The following VAMP7 variants were observed in gnomAD, a reference collection of about 807,000 sequenced individuals.
VAMP7 encodes vesicle associated membrane protein 7.
In VAMP7, 14 loss-of-function variants were observed where a neutral mutation model predicts 29.6. The ratio of observed to expected loss-of-function variants is 0.47; its 90% CI spans 0.31 to 0.74. The LOEUF (loss-of-function observed/expected upper bound fraction) is 0.74, where lower values mean the gene tolerates loss of function less well. Among genes scored for constraint, VAMP7 ranks in the 30% least tolerant of loss-of-function variants. VAMP7 has a pLI of 0.05. For synonymous variants in VAMP7, 95 were observed against 88.1 expected (o/e 1.08, Z -0.44); for missense variants, 223 against 262.4 (o/e 0.85, Z 1.04).
intron 1 of VAMP7, among the ~76,000 whole-genome samples, chrX:155,882,715 G>A (rs2065818041): frequency 6.6e-6 from 1 of 152,066 alleles, no homozygotes; most frequent in Non-Finnish European, 1.5e-5. Flanking sequence ...TTCTTACCAG[G>A]TCCTTCTGAA....
At chrX:155,912,691 C>T (rs1282599973) in intron 5 of VAMP7, among the ~76,000 whole-genome samples, 4 of 152,120 alleles carry the variant, frequency 2.6e-5, no homozygotes, top group African/African-American at 4.8e-5. Flanking sequence ...GACATGAACT[C>T]CTCCTTTTTT....
chrX:155,888,574 C>T (rs1233821577), intron 1 of VAMP7, among the ~76,000 whole-genome samples: 1 of 152,130 alleles, frequency 6.6e-6, no homozygotes, highest in Admixed American at 6.5e-5. Context: ...ATAAGAGAAG[C>T]TGGGCTTGTT....
In VAMP7 at chrX:155,932,841, G is replaced by T. The variant is rs772398187; in HGVS notation, c.502-6860G>T. Reference sequence around the variant, plus strand: ...CCATTCAGTATGATATTGGCTGTGGGTTTGTCATAGCTCTTATTATTTTGA... The same window carrying T: ...CCATTCAGTATGATATTGGCTGTGGTTTTGTCATAGCTCTTATTATTTTGA... On this transcript the variant is annotated intron_variant, in intron 6 of 7. Coordinates refer to ENST00000286448, the MANE Select transcript of VAMP7 (RefSeq NM_005638.6). 4.6e-5 allele frequency among the ~76,000 whole-genome samples: 7 copies of T among 152,168 alleles called. No individual in the cohort carries two copies. In the South Asian group the frequency reaches 1.5e-3, roughly 32 times the overall value.
At chrX:155,938,988 C>T (rs1453645112) in intron 6 of VAMP7, among the ~76,000 whole-genome samples, 1 of 152,106 alleles carries the variant, frequency 6.6e-6, no homozygotes, top group Non-Finnish European at 1.5e-5. Context: ...ATGCATTGCA[C>T]AGTTGATGGG....
At chrX:155,909,212 T>G (rs896886939) in intron 5 of VAMP7, among the ~76,000 whole-genome samples, 8 of 152,198 alleles carry the variant, frequency 5.3e-5, no homozygotes, top group Admixed American at 3.9e-4. Context: ...TTTAGCAGTT[T>G]GTATCTTTCT....
At position 155,884,843 on chromosome X, in the gene VAMP7, T is replaced by C. The variant is rs1412609155; in HGVS notation, c.-10+3395T>C. Among the ~76,000 whole-genome samples, 4 of 152,244 alleles carry C rather than the reference T, an allele frequency of 2.6e-5. No individual in the cohort carries two copies. The East Asian group carries it at 7.7e-4, about 29-fold the overall frequency. On this transcript the variant is annotated intron_variant, in intron 1 of 7. Transcript: ENST00000286448. ...GTTACCTGAAACTGTCTTCAGCCTC[T>C]ACTTGAAGATGCTTCTGCTGAGGAG...
At position 155,898,120 on chromosome X, in the gene VAMP7, A is replaced by G; in HGVS notation, c.213A>G (p.Glu71=). Residue 71 remains glutamate, a synonymous_variant, in exon 4 of 8, where the codon GAA becomes GAG. Transcript: ENST00000286448. The part of the protein sequence containing the change: ...VYLCITDDDF[E]RSRAFNFLNE... Reference sequence around the variant, plus strand: ...TGTTGATCTCTTTTCAGGATTTTGAACGTTCCCGAGCCTTTAATTTTCTGA... The same window carrying G: ...TGTTGATCTCTTTTCAGGATTTTGAGCGTTCCCGAGCCTTTAATTTTCTGA... The G allele has an allele frequency of 6.2e-7, 1 of 1,612,728 alleles. No individual in the cohort carries two copies. The highest frequency in any genetic ancestry group is 1.3e-5 in the African/African-American group (1 of 74,912).
At chrX:155,918,154 C>T (rs779433149) in intron 5 of VAMP7, among the ~76,000 whole-genome samples, 85 of 152,214 alleles carry the variant, frequency 5.6e-4, no homozygotes, top group Non-Finnish European at 8.4e-4. Context: ...AGACGCCCCT[C>T]CCTCCACCAA....
chrX:155,901,612 C>T (rs2066063689), intron 5 of VAMP7, among the ~76,000 whole-genome samples: 2 of 152,098 alleles, frequency 1.3e-5, no homozygotes, highest in Non-Finnish European at 2.9e-5. Context: ...TTCCCAGCAC[C>T]ATTTATTAAA....
In VAMP7 at chrX:155,902,978, T is replaced by G. The variant is rs1181142897; in HGVS notation, c.433+2391T>G. On this transcript the variant is annotated intron_variant, in intron 5 of 7. Coordinates refer to ENST00000286448, the MANE Select transcript of VAMP7 (RefSeq NM_005638.6). Reference sequence around the variant, plus strand: ...CCTCCTTGTACCTCTGGTAGAATTCTGCTGTGAATCCATCTGGTCCTGGAC... The same window carrying G: ...CCTCCTTGTACCTCTGGTAGAATTCGGCTGTGAATCCATCTGGTCCTGGAC... 5.0e-4 allele frequency among the ~76,000 whole-genome samples: 76 copies of G among 151,710 alleles called. 1 individual carries two copies. Among genetic ancestry groups the G allele is most frequent in the Non-Finnish European group, 8.1e-4 (55 of 67,896 alleles).
rs141687548 is a variant in VAMP7 at position 155,889,825 on chromosome X, T to G, written c.146+213T>G. 8.1e-3 allele frequency among the ~76,000 whole-genome samples: 1,094 copies of G among 135,194 alleles called. 17 individuals carry two copies. The highest frequency in any genetic ancestry group is 0.03 in the African/African-American group (1,039 of 34,556). 88.7% of individuals were successfully genotyped at this position (135,194 alleles called of 152,430 possible). ...ATTCTATTATTGAAGTGATATTTTA[T>G]TTTGAAGAAAGATGAAATGTTAAAT... On this transcript the variant is annotated intron_variant, in intron 2 of 7. Transcript: ENST00000286448.
chrX:155,940,482 A>T (rs1270920931), intron 7 of VAMP7, among the ~76,000 whole-genome samples: 1 of 152,184 alleles, frequency 6.6e-6, no homozygotes, highest in Non-Finnish European at 1.5e-5. Context: ...CATGGCCTTG[A>T]ATGGTTCCTT....
At chrX:155,906,451 C>G (rs2066148929) in intron 5 of VAMP7, among the ~76,000 whole-genome samples, 2 of 152,120 alleles carry the variant, frequency 1.3e-5, no homozygotes, top group Admixed American at 6.5e-5. Flanking sequence ...ATTGTGATAG[C>G]CTTGACCCCT....
intron 5 of VAMP7, among the ~76,000 whole-genome samples, chrX:155,907,919 AG>A (rs2066171779): frequency 6.7e-6 from 1 of 149,780 alleles, no homozygotes; most frequent in African/African-American, 2.5e-5. Flanking sequence ...ACCTCCCAGA[AG>A]GGGCGGCGGG....
chrX:155,935,426 T>C (rs1190229517), intron 6 of VAMP7, among the ~76,000 whole-genome samples: 2 of 152,168 alleles, frequency 1.3e-5, no homozygotes, highest in African/African-American at 4.8e-5. Context: ...TCTAAACTTC[T>C]CTTCTCGCTT....
chrX:155,936,105 C>T (rs1447158927), intron 6 of VAMP7, among the ~76,000 whole-genome samples: 2 of 152,126 alleles, frequency 1.3e-5, no homozygotes, highest in African/African-American at 4.8e-5. Flanking sequence ...GTCAGTCTGC[C>T]TCTACTGGGG....
chrX:155,927,653 A>G (rs2066489698), intron 6 of VAMP7, among the ~76,000 whole-genome samples: 1 of 151,814 alleles, frequency 6.6e-6, no homozygotes, highest in Non-Finnish European at 1.5e-5. Context: ...TGTTTCTTAT[A>G]ATGTTGATCT....
At chrX:155,924,434 A>G (rs2066440643) in intron 6 of VAMP7, among the ~76,000 whole-genome samples, 1 of 152,122 alleles carries the variant, frequency 6.6e-6, no homozygotes, top group Non-Finnish European at 1.5e-5. Flanking sequence ...TGTAACCATT[A>G]AGTAATAATA....
chrX:155,935,060 C>T (rs906633900), intron 6 of VAMP7, among the ~76,000 whole-genome samples: 36 of 152,214 alleles, frequency 2.4e-4, no homozygotes, highest in African/African-American at 7.2e-4. Flanking sequence ...GAGTTTCTGC[C>T]GAGAGATCAG....
Sources: allele counts gnomAD v4.1 joint callset (sites outside exome capture counted in the v4.1 genomes callset), GRCh38; gene constraint gnomAD v4.1.1; transcripts MANE v1.5; gene names NCBI Gene and HGNC (gene_info 2026-07-23, HGNC 2026-07-21).